DESI2: variants seen among roughly 807,000 people sequenced by gnomAD.
DESI2 encodes deubiquitinase DESI2.
Under a neutral mutation model 24.1 loss-of-function variants are expected in DESI2, and 10 were observed. The observed-to-expected ratio is 0.41, with a 90% confidence interval of 0.26 to 0.70. The LOEUF is 0.70. DESI2 is among the 30% of genes least tolerant of loss of function. The probability of loss-of-function intolerance (pLI) is 0.29; values close to 1 mark genes in which losing one functional copy is unlikely to be tolerated. For synonymous variants in DESI2, 71 were observed against 87.7 expected (o/e 0.81, Z 1.06); for missense variants, 122 against 234.9 (o/e 0.52, Z 3.14).
chr1:244,673,111 G>C (rs1016457644), intron 1 of DESI2, among the ~76,000 whole-genome samples: 5 of 152,182 alleles, frequency 3.3e-5, no homozygotes, highest in Non-Finnish European at 5.9e-5. Context: ...CTTTGAGGCA[G>C]AAGGACTTGA....
intron 2 of DESI2, among the ~76,000 whole-genome samples, chr1:244,688,275 T>C (rs967770784): frequency 2.6e-5 from 4 of 152,176 alleles, no homozygotes; most frequent in African/African-American, 7.2e-5. Flanking sequence ...TATAATCTTA[T>C]CCCTTCCAAC....
intron 4 of DESI2, among the ~76,000 whole-genome samples, chr1:244,700,219 C>A (rs1677393954): frequency 6.6e-6 from 1 of 152,158 alleles, no homozygotes; most frequent in Non-Finnish European, 1.5e-5. Flanking sequence ...AATCATCAAA[C>A]CTCGAGGTGG....
intron 1 of DESI2, chr1:244,653,780 C>T (rs1353767731): frequency 5.7e-6 from 2 of 352,798 alleles, no homozygotes; most frequent in Admixed American, 4.1e-5. Flanking sequence ...AACTGTCCGT[C>T]TCTCTCCATG....
intron 4 of DESI2, among the ~76,000 whole-genome samples, chr1:244,695,366 AT>A (rs1249531995): frequency 6.6e-6 from 1 of 152,132 alleles, no homozygotes; most frequent in African/African-American, 2.4e-5. Context: ...TAAAATTAAT[AT>A]TTTCGGCCAG....
chr1:244,664,820 A>G (rs1573184397), intron 1 of DESI2, among the ~76,000 whole-genome samples: 1 of 152,266 alleles, frequency 6.6e-6, no homozygotes, highest in Admixed American at 6.5e-5. Context: ...ATTTTGTTCT[A>G]TGTGGTCAAA....
intron 1 of DESI2, among the ~76,000 whole-genome samples, chr1:244,676,800 A>T (rs1676429440): frequency 6.8e-6 from 1 of 147,708 alleles, no homozygotes; most frequent in Admixed American, 6.8e-5. Flanking sequence ...TATAAAATAT[A>T]TATTATATAT....
intron 1 of DESI2, among the ~76,000 whole-genome samples, chr1:244,662,657 G>A (rs1270789227): frequency 2.0e-5 from 3 of 152,160 alleles, no homozygotes; most frequent in Admixed American, 6.5e-5. Context: ...TGCTAAAGAG[G>A]AAAGTAAAGC....
intron 1 of DESI2, among the ~76,000 whole-genome samples, chr1:244,658,664 A>C (rs571539687): frequency 3.8e-5 from 2 of 52,588 alleles, no homozygotes; most frequent in South Asian, 9.1e-4. Flanking sequence ...GAGAGTTGCC[A>C]GTAACTTAAA....
intron 1 of DESI2, among the ~76,000 whole-genome samples, chr1:244,672,373 C>A (rs1488560540): frequency 1.3e-5 from 2 of 152,160 alleles, no homozygotes; most frequent in Admixed American, 6.5e-5. Flanking sequence ...CGTGCCTGCT[C>A]TCCTTTTGTT....
intron 4 of DESI2, among the ~76,000 whole-genome samples, chr1:244,696,716 C>G (rs1677229430): frequency 6.6e-6 from 1 of 152,206 alleles, no homozygotes; most frequent in African/African-American, 2.4e-5. Flanking sequence ...TTAGAAAGGC[C>G]TGCCTGCAGG....
At chr1:244,654,580 G>A (rs1315444146) in intron 1 of DESI2, among the ~76,000 whole-genome samples, 1 of 152,180 alleles carries the variant, frequency 6.6e-6, no homozygotes, top group African/African-American at 2.4e-5. Context: ...GATGAAAGGA[G>A]ATGAGTTAAC....
chr1:244,703,720 G>A (rs1261019137), intron 4 of DESI2, among the ~76,000 whole-genome samples: 5 of 150,900 alleles, frequency 3.3e-5, no homozygotes, highest in Non-Finnish European at 5.9e-5. Flanking sequence ...GTGCAGTGGT[G>A]CGATCTCGGC....
chr1:244,702,975 A>G (rs1002562344), intron 4 of DESI2, among the ~76,000 whole-genome samples: 2 of 150,706 alleles, frequency 1.3e-5, no homozygotes, highest in African/African-American at 4.9e-5. Context: ...GGTGTAAAGT[A>G]CAATGTAATA....
chr1:244,682,286 A>C (rs1026661258), intron 1 of DESI2, among the ~76,000 whole-genome samples: 4 of 152,200 alleles, frequency 2.6e-5, no homozygotes, highest in Admixed American at 2.0e-4. Context: ...TTTTTTACAG[A>C]GCGCTGATGG....
chr1:244,690,673 C>G (rs1676992664), intron 3 of DESI2, among the ~76,000 whole-genome samples: 2 of 151,262 alleles, frequency 1.3e-5, no homozygotes, highest in South Asian at 4.2e-4. Flanking sequence ...CCATTGCACT[C>G]CAGCCTGGGC....
chr1:244,666,478 GAATT>G (rs1676051473), intron 1 of DESI2, among the ~76,000 whole-genome samples: 1 of 152,130 alleles, frequency 6.6e-6, no homozygotes, highest in African/African-American at 2.4e-5. Context: ...AAACTGAGGA[GAATT>G]AGTGATATAC....
chr1:244,700,717 A>G (rs1214943918), intron 4 of DESI2, among the ~76,000 whole-genome samples: 3 of 152,206 alleles, frequency 2.0e-5, no homozygotes, highest in Non-Finnish European at 2.9e-5. Context: ...AACCTCATCA[A>G]TGAGATAGCT....
At chr1:244,700,743 C>G (rs1356501756) in intron 4 of DESI2, among the ~76,000 whole-genome samples, 8 of 152,168 alleles carry the variant, frequency 5.3e-5, no homozygotes, top group African/African-American at 1.9e-4. Context: ...TTATCTTTCC[C>G]ATGTCAGAAA....
intron 4 of DESI2, among the ~76,000 whole-genome samples, chr1:244,704,007 G>C (rs1240623762): frequency 6.6e-6 from 1 of 152,130 alleles, no homozygotes; most frequent in Non-Finnish European, 1.5e-5. Context: ...CAGTGTGATA[G>C]GTGCTTGGTA....
Sources: allele counts gnomAD v4.1 joint callset (sites outside exome capture counted in the v4.1 genomes callset), GRCh38; gene constraint gnomAD v4.1.1; transcripts MANE v1.5; gene names NCBI Gene and HGNC (gene_info 2026-07-23, HGNC 2026-07-21).